The following GALNT5 variants were observed in gnomAD, a reference collection of about 807,000 sequenced individuals.
GALNT5 encodes the protein polypeptide N-acetylgalactosaminyltransferase 5.
In GALNT5, 72 loss-of-function variants were observed where a neutral mutation model predicts 85.4. That is an observed-to-expected ratio of 0.84 (90% CI 0.70 to 1.03). The LOEUF (loss-of-function observed/expected upper bound fraction) is 1.03. Among genes scored for constraint, GALNT5 ranks in the 50% least tolerant of loss-of-function variants. The pLI is 0.00. For missense variants in GALNT5, 1,137 were observed against 1,135.5 expected, an observed-to-expected ratio of 1.00 and a Z score of -0.02; for synonymous variants, 404 against 397.0, an observed-to-expected ratio of 1.02 and a Z score of -0.21.
intron 6 of GALNT5, 115 bp from the exon 7 acceptor site, chr2:157,300,561 G>A (rs1038933934): frequency 4.0e-6 from 3 of 749,218 alleles, no homozygotes; most frequent in Non-Finnish European, 6.7e-6. Flanking sequence ...AAGTGTTTTT[G>A]AAGTTGAGTA....
intron 9 of GALNT5, among the ~76,000 whole-genome samples, chr2:157,310,654 A>G (rs948265930): frequency 2.4e-4 from 37 of 152,312 alleles, no homozygotes; most frequent in African/African-American, 8.7e-4. Flanking sequence ...TAGGATATTC[A>G]CTAAATATTA....
intron 1 of GALNT5, among the ~76,000 whole-genome samples, chr2:157,268,709 G>A (rs1682512276): frequency 6.6e-6 from 1 of 152,130 alleles, no homozygotes; most frequent in Non-Finnish European, 1.5e-5. Flanking sequence ...GCTAAGTGCA[G>A]GATAGTGAAA....
chr2:157,268,521 T>G (rs1205505496), intron 1 of GALNT5, among the ~76,000 whole-genome samples: 1 of 152,218 alleles, frequency 6.6e-6, no homozygotes, highest in Admixed American at 6.5e-5. Flanking sequence ...TCTTCACCAC[T>G]GTTCTGTGAT....
chr2:157,278,636 G>A (rs1682790219), intron 1 of GALNT5, among the ~76,000 whole-genome samples: 1 of 152,100 alleles, frequency 6.6e-6, no homozygotes, highest in African/African-American at 2.4e-5. Context: ...GCATCACGAA[G>A]TTCTCTTGCC....
At chr2:157,282,390 C>A (rs919250778) in intron 1 of GALNT5, among the ~76,000 whole-genome samples, 1 of 152,010 alleles carries the variant, frequency 6.6e-6, no homozygotes, top group African/African-American at 2.4e-5. Context: ...GACATGGATT[C>A]TTGGGCCCTC....
At chr2:157,274,509 A>C (rs908217450) in intron 1 of GALNT5, among the ~76,000 whole-genome samples, 3 of 152,188 alleles carry the variant, frequency 2.0e-5, no homozygotes, top group South Asian at 2.1e-4. Context: ...CTGACTTTTT[A>C]ATGATCACCA....
At position 157,317,204 on chromosome 2, in the gene GALNT5, T is replaced by A. The variant is rs997513044; in HGVS notation, c.*5856T>A. Among the ~76,000 whole-genome samples, 10 of 147,540 alleles carry A rather than the reference T, an allele frequency of 6.8e-5. No homozygotes were observed. The highest frequency in any genetic ancestry group is 1.5e-4 in the African/African-American group (6 of 40,662). On this transcript the variant is annotated 3_prime_UTR_variant, in exon 10 of 10. Transcript: ENST00000259056. ...TATATATATATATATATATATTTTT[T>A]TTTTTGATGCTTTGATCTGGAAGAA... is the stretch of plus-strand genomic sequence containing the variant.
chr2:157,292,810 A>G (rs957795151), intron 3 of GALNT5, among the ~76,000 whole-genome samples: 4 of 151,704 alleles, frequency 2.6e-5, no homozygotes, highest in African/African-American at 7.3e-5. Context: ...GGTTCAAGTG[A>G]TTCTCCTGCC....
chr2:157,273,226 G>A (rs1043491480), intron 1 of GALNT5, among the ~76,000 whole-genome samples: 1 of 151,960 alleles, frequency 6.6e-6, no homozygotes, highest in African/African-American at 2.4e-5. Context: ...TCTTATTTTG[G>A]AGATGTTCCC....
rs79054905 is a variant in GALNT5, at chr2:157,308,163, T to A, written c.2521-404T>A. Among the ~76,000 whole-genome samples, 650 of 152,334 alleles carry A rather than the reference T, an allele frequency of 4.3e-3. 3 individuals carry two copies. Among genetic ancestry groups the A allele is most frequent in the African/African-American group, 0.014 (600 of 41,574 alleles). On this transcript the variant is annotated intron_variant, in intron 8 of 9. Transcript: ENST00000259056. ...CCCGTGGCTTAGAACCTTAATCATG[T>A]GGTAGACTGAACATTCCAATTCTTT... is the stretch of plus-strand genomic sequence containing the variant.
chr2:157,311,558 G>A lies in GALNT5; in HGVS notation c.*210G>A, dbSNP rs1391774899. On this transcript the variant is annotated 3_prime_UTR_variant, in exon 10 of 10. Coordinates refer to ENST00000259056, the MANE Select transcript of GALNT5 (RefSeq NM_014568.3). ...GACTGAAGTCCTTCTTCGGAACTGGGTGGCCTTTGAATTGCCTGCTTTCCA... is the reference window on the plus strand; with the variant it reads ...GACTGAAGTCCTTCTTCGGAACTGGATGGCCTTTGAATTGCCTGCTTTCCA... The A allele has an allele frequency of 2.3e-6, 1 of 441,856 alleles. No homozygotes were observed. The highest frequency in any genetic ancestry group is 4.0e-6 in the Non-Finnish European group (1 of 251,346). The allele number at this position is 441,856 out of a possible 1,614,324, so 27.4% of individuals were successfully genotyped here. A position where few individuals can be genotyped will look rare whatever the true frequency, so the allele number is the denominator to read the frequency against.
chr2:157,280,018 G>A (rs573603429), intron 1 of GALNT5, among the ~76,000 whole-genome samples: 16 of 152,146 alleles, frequency 1.1e-4, no homozygotes, highest in African/African-American at 2.9e-4. Flanking sequence ...GGCTGGTCTC[G>A]AACTCCTGAC....
intron 7 of GALNT5, among the ~76,000 whole-genome samples, chr2:157,304,186 T>C (rs1420674763): frequency 6.6e-6 from 1 of 152,222 alleles, no homozygotes; most frequent in Admixed American, 6.5e-5. Flanking sequence ...CCTTCCTCTC[T>C]GAAGTTCAGG....
At chr2:157,270,219 G>A (rs1299593034) in intron 1 of GALNT5, among the ~76,000 whole-genome samples, 4 of 152,038 alleles carry the variant, frequency 2.6e-5, no homozygotes, top group Admixed American at 1.3e-4. Flanking sequence ...TACCTCATGT[G>A]CTCTGATATC....
At chr2:157,279,663 G>A (rs533278200) in intron 1 of GALNT5, among the ~76,000 whole-genome samples, 6 of 152,370 alleles carry the variant, frequency 3.9e-5, no homozygotes, top group Non-Finnish European at 8.8e-5. Context: ...CAGTTGCTGA[G>A]ACTGTGGGAA....
chr2:157,291,642 C>CCA (rs397735658), intron 3 of GALNT5, among the ~76,000 whole-genome samples: 8 of 145,264 alleles, frequency 5.5e-5, no homozygotes, highest in African/African-American at 2.1e-4. Context: ...CACCCCCCCC[C>CCA]AGATTTTTAA....
intron 1 of GALNT5, among the ~76,000 whole-genome samples, chr2:157,280,483 A>T (rs957186100): frequency 6.6e-6 from 1 of 152,252 alleles, no homozygotes; most frequent in Admixed American, 6.5e-5. Context: ...GGAGGGACTG[A>T]GGTCCTACTG....
chr2:157,304,871 CCT>C (rs1271016841), intron 7 of GALNT5, among the ~76,000 whole-genome samples: 1 of 152,122 alleles, frequency 6.6e-6, no homozygotes, highest in Non-Finnish European at 1.5e-5. Flanking sequence ...AGTGCAGCAC[CCT>C]GAGTTAGAGC....
intron 3 of GALNT5, among the ~76,000 whole-genome samples, chr2:157,291,695 G>A (rs922217073): frequency 7.5e-6 from 1 of 133,586 alleles, no homozygotes; most frequent in Non-Finnish European, 1.5e-5. Context: ...GTATTATTGG[G>A]ACCTATCCTT....
Sources: allele counts gnomAD v4.1 joint callset (sites outside exome capture counted in the v4.1 genomes callset), GRCh38; gene constraint gnomAD v4.1.1; transcripts MANE v1.5; gene names NCBI Gene and HGNC (gene_info 2026-07-23, HGNC 2026-07-21).